AKAP13: variants seen among roughly 807,000 people sequenced by gnomAD.
The protein encoded by AKAP13 is A-kinase anchor protein 13.
AKAP13 carries 80 observed loss-of-function variants against 264.5 expected under a neutral mutation model. The ratio of observed to expected loss-of-function variants is 0.30; its 90% CI spans 0.25 to 0.36. AKAP13 has a LOEUF of 0.36. Ranked by LOEUF, AKAP13 falls within the 10% of genes least tolerant of loss-of-function variation. The pLI is 1.00. For synonymous variants in AKAP13, 1,380 were observed against 1,250.2 expected (o/e 1.10, Z -2.19); for missense variants, 3,712 against 3,435.2 (o/e 1.08, Z -2.01).
intron 1 of AKAP13, among the ~76,000 whole-genome samples, chr15:85,427,858 T>C (rs888567054): frequency 1.3e-5 from 2 of 152,174 alleles, no homozygotes; most frequent in Non-Finnish European, 2.9e-5. Context: ...ATAATAAAAG[T>C]ATGTCAAAAC....
intron 1 of AKAP13, chr15:85,415,432 T>C (rs2072195269): frequency 6.2e-6 from 10 of 1,606,674 alleles, no homozygotes; most frequent in Non-Finnish European, 8.5e-6. Context: ...TCTTGTACCC[T>C]GGGAGAGAAG....
Position 85,741,478 on chromosome 15 carries a change from G to C in AKAP13, c.8041G>C (p.Glu2681Gln), listed in dbSNP as rs1420255383. The C allele has an allele frequency of 1.3e-6, 2 of 1,594,582 alleles. No homozygotes were observed. Among genetic ancestry groups the C allele is most frequent in the Non-Finnish European group, 1.7e-6 (2 of 1,166,622 alleles). The change falls in exon 35 of 37, where the codon GAA becomes CAA. Residue 2681 changes from glutamate to glutamine, a missense_variant. Glu to Gln is a conservative substitution (Grantham distance 29). This residue lies in a region of AKAP13 where 611 missense variants were observed against 539.3 expected (regional missense o/e 1.13). Coordinates refer to ENST00000394518, the MANE Select transcript of AKAP13 (RefSeq NM_007200.5). ...EAERLSQRQT[E>Q]RDLCQVSHPH... is the part of the protein sequence containing the mutation. ...AGAGCGGCTCAGCCAGCGGCAGACA[G>C]AACGGGACCTGTGTCAGGTAATGGG...
chr15:85,541,516 T>A (rs1414906649), intron 4 of AKAP13, among the ~76,000 whole-genome samples: 1 of 152,234 alleles, frequency 6.6e-6, no homozygotes, highest in East Asian at 1.9e-4. Flanking sequence ...CTTGCTTGTA[T>A]GATTGCTTGT....
At chr15:85,658,416 T>C (rs1261085338) in intron 11 of AKAP13, 121 bp from the exon 12 acceptor site, 2 of 757,716 alleles carry the variant, frequency 2.6e-6, no homozygotes, top group Non-Finnish European at 4.3e-6. Flanking sequence ...TTCATTCTCT[T>C]GCCTGTGCCA....
rs1432636277 is a variant in AKAP13 at position 85,669,853 on chromosome 15, A to G, written c.5101+23A>G. On this transcript the variant is annotated intron_variant, in intron 14 of 36. Transcript: ENST00000394518. ...ACAGTGAGTATACTACTTTTTAAAAAAATTAAATATATTAAATCTTAACCA... is the reference window on the plus strand; with the variant it reads ...ACAGTGAGTATACTACTTTTTAAAAGAATTAAATATATTAAATCTTAACCA... 2.7e-6 allele frequency: 4 copies of G among 1,496,576 alleles called. No homozygotes were observed. The South Asian group carries it at 4.7e-5, about 18-fold the overall frequency. 92.7% of individuals were successfully genotyped at this position (1,496,576 alleles called of 1,614,324 possible).
At chr15:85,465,572 G>GAGTTCACCTATGTTCA (rs2074704318) in intron 1 of AKAP13, among the ~76,000 whole-genome samples, 1 of 140,792 alleles carries the variant, frequency 7.1e-6, no homozygotes, top group Non-Finnish European at 1.5e-5. Context: ...TCATTGTTCA[G>GAGTTCACCTATGTTCA]TTCCCACCTA....
intron 34 of AKAP13, 95 bp from the exon 35 acceptor site, chr15:85,740,951 G>A (rs1334118388): frequency 6.6e-7 from 1 of 1,508,152 alleles, no homozygotes; most frequent in Non-Finnish European, 8.9e-7. Context: ...GTCCGTCATA[G>A]TGCCTGGTGC....
chr15:85,655,736 G>C lies in AKAP13; in HGVS notation c.4694G>C (p.Ser1565Thr), dbSNP rs2083061484. The change falls in exon 11 of 37, where the codon AGC (serine) becomes ACC (threonine). Residue 1565 changes from serine to threonine, a missense_variant. Transcript: ENST00000394518. ...MRSLSPFRRH[S>T]WGPGKNAASD... ...TCTCTTTCTCCCTTCCGGAGGCACA[G>C]CTGGGGGCCTGGGAAAAATGCAGCC... 9 of 1,612,962 alleles carry C rather than the reference G, an allele frequency of 5.6e-6. No homozygotes were observed. The highest frequency in any genetic ancestry group is 1.3e-5 in the African/African-American group (1 of 74,922).
At chr15:85,488,085 G>T (rs1300363216) in intron 2 of AKAP13, among the ~76,000 whole-genome samples, 1 of 152,108 alleles carries the variant, frequency 6.6e-6, no homozygotes, top group African/African-American at 2.4e-5. Flanking sequence ...TTTTTGTAGA[G>T]ACGAGATCTG....
intron 5 of AKAP13, among the ~76,000 whole-genome samples, chr15:85,545,862 G>A (rs543971944): frequency 4.8e-4 from 73 of 152,084 alleles, no homozygotes; most frequent in Middle Eastern, 3.4e-3. Flanking sequence ...CGTAAAAATG[G>A]TTAAAATAGT....
chr15:85,732,013 G>A (rs184945562), intron 30 of AKAP13, among the ~76,000 whole-genome samples: 11 of 149,860 alleles, frequency 7.3e-5, no homozygotes, highest in African/African-American at 2.7e-4. Flanking sequence ...AACCCAGGAA[G>A]CAGAGGTTGT....
intron 26 of AKAP13, 112 bp from the exon 27 acceptor site, chr15:85,726,298 G>A (rs926271080): frequency 6.3e-5 from 47 of 751,778 alleles, no homozygotes; most frequent in South Asian, 2.5e-4. Context: ...TAGTTTGCCC[G>A]TATAGGGGTG....
At chr15:85,522,345 G>A (rs2076851255) in intron 3 of AKAP13, among the ~76,000 whole-genome samples, 1 of 152,148 alleles carries the variant, frequency 6.6e-6, no homozygotes, top group Non-Finnish European at 1.5e-5. Context: ...GGGCATATAA[G>A]TAGATACAAG....
chr15:85,472,992 C>A (rs543969042), intron 1 of AKAP13, among the ~76,000 whole-genome samples: 2 of 152,156 alleles, frequency 1.3e-5, no homozygotes, highest in African/African-American at 4.8e-5. Context: ...AAATAGTACC[C>A]TTTCCTTTAA....
chr15:85,722,186 G>A, intron 24 of AKAP13, 44 bp from the exon 25 acceptor site: 1 of 1,609,702 alleles, frequency 6.2e-7, no homozygotes, highest in Non-Finnish European at 8.5e-7. Context: ...TTTCACTAGA[G>A]CCTTTTTCAT....
chr15:85,701,915 G>A (rs2085938692), intron 17 of AKAP13, among the ~76,000 whole-genome samples: 1 of 151,892 alleles, frequency 6.6e-6, no homozygotes, highest in East Asian at 1.9e-4. Flanking sequence ...TAGCATTAAG[G>A]TTTATGTAAG....
intron 1 of AKAP13, among the ~76,000 whole-genome samples, chr15:85,440,218 C>G (rs559933093): frequency 2.2e-4 from 33 of 152,322 alleles, no homozygotes; most frequent in African/African-American, 7.2e-4. Flanking sequence ...CATCTCCTCC[C>G]TTTGCCTTTT....
At position 85,585,785 on chromosome 15, in the gene AKAP13, G is replaced by A; in HGVS notation, c.4123G>A (p.Ala1375Thr). ...SEEVAVGSIA[A>T]TLKMKQGPMT... ...AGAAGTGGCTGTAGGGAGCATAGCT[G>A]CTACACTGAAGATGAAGCAAGGCCC... Residue 1375 changes from alanine to threonine, a missense_variant, in exon 8 of 37, where the codon GCT (alanine) becomes ACT (threonine). Ala to Thr is a moderately conservative substitution (Grantham distance 58, BLOSUM62 0). This residue lies in a region of AKAP13 where 2,759 missense variants were observed against 2,411.7 expected (regional missense o/e 1.14). Transcript: ENST00000394518. The A allele has an allele frequency of 1.9e-6, 3 of 1,614,150 alleles. No homozygotes were observed. The East Asian group carries it at 6.7e-5, about 36-fold the overall frequency.
At chr15:85,429,538 C>T (rs1274141478) in intron 1 of AKAP13, among the ~76,000 whole-genome samples, 3 of 152,184 alleles carry the variant, frequency 2.0e-5, no homozygotes, top group South Asian at 4.1e-4. Flanking sequence ...CTCCCTCTGG[C>T]CTTCAGGAAA....
Sources: allele counts gnomAD v4.1 joint callset (sites outside exome capture counted in the v4.1 genomes callset), GRCh38; gene constraint gnomAD v4.1.1; regional missense constraint gnomAD v4.1.1; transcripts MANE v1.5; gene names NCBI Gene and HGNC (gene_info 2026-07-23, HGNC 2026-07-21).